SLC16A12: variants seen among roughly 807,000 people sequenced by gnomAD.
SLC16A12 encodes the protein monocarboxylate transporter 12.
In SLC16A12, 17 loss-of-function variants were observed where a neutral mutation model predicts 42.4. The ratio of observed to expected loss-of-function variants is 0.40; its 90% CI spans 0.27 to 0.60. The LOEUF (loss-of-function observed/expected upper bound fraction) is 0.60, where lower values mean the gene tolerates loss of function less well. SLC16A12 is among the 20% of genes least tolerant of loss of function. The pLI, the probability that SLC16A12 is intolerant of heterozygous loss-of-function variation, is 0.42. For missense variants in SLC16A12, 544 were observed against 623.0 expected (o/e 0.87, Z 1.35); for synonymous variants, 224 against 229.4 (o/e 0.98, Z 0.21).
chr10:89,493,563 ACT>A (rs1194701247), intron 2 of SLC16A12, among the ~76,000 whole-genome samples: 1 of 152,158 alleles, frequency 6.6e-6, no homozygotes, highest in Non-Finnish European at 1.5e-5. Flanking sequence ...TTTTAAAGTC[ACT>A]GTTATTCTTG....
chr10:89,543,405 C>T (rs923878708), intron 2 of SLC16A12, among the ~76,000 whole-genome samples: 1 of 152,242 alleles, frequency 6.6e-6, no homozygotes, highest in African/African-American at 2.4e-5. Flanking sequence ...TTAGCTCCCC[C>T]TCTTGCTAGC....
At chr10:89,445,146 G>T (rs549475003) in intron 3 of SLC16A12, among the ~76,000 whole-genome samples, 1 of 152,324 alleles carries the variant, frequency 6.6e-6, no homozygotes, top group African/African-American at 2.4e-5. Flanking sequence ...TTCACCTCTG[G>T]GGGAGGGCAT....
upstream of SLC16A12, among the ~76,000 whole-genome samples, chr10:89,539,162 A>G (rs1180319336): frequency 6.6e-6 from 1 of 152,200 alleles, no homozygotes; most frequent in Non-Finnish European, 1.5e-5. Context: ...ATGGTCCTGA[A>G]TAGTCTTCTT....
chr10:89,529,024 A>T lies in SLC16A12; in HGVS notation c.-47+5477T>A, dbSNP rs552783315. On this transcript the variant is annotated intron_variant, in intron 2 of 7. Transcript: ENST00000371790. Reference sequence around the variant, plus strand: ...CCCTATTCATAACTATTTAATAATGATGATTAAGGCTGGTTTTTGATAGTT... The same window carrying T: ...CCCTATTCATAACTATTTAATAATGTTGATTAAGGCTGGTTTTTGATAGTT... Among the ~76,000 whole-genome samples the T allele has an allele frequency of 3.0e-4, 45 of 152,320 alleles. No homozygotes were observed. In the South Asian group the frequency reaches 9.3e-3, roughly 32 times the overall value.
At chr10:89,555,899 CTG>C in exon 2 of SLC16A12, 1 of 151,366 alleles carries the variant, frequency 6.6e-6, no homozygotes, top group East Asian at 2.0e-4. Flanking sequence ...TGCTGATGAT[CTG>C]TGATGCGGTC....
At chr10:89,533,940 T>A (rs1005847533) in intron 2 of SLC16A12, among the ~76,000 whole-genome samples, 1 of 152,204 alleles carries the variant, frequency 6.6e-6, no homozygotes. Context: ...CTTGGAAAAC[T>A]GAGTTAGGTG....
chr10:89,511,512 T>G (rs1843161611), intron 2 of SLC16A12, among the ~76,000 whole-genome samples: 1 of 152,068 alleles, frequency 6.6e-6, no homozygotes, highest in African/African-American at 2.4e-5. Context: ...TTCTCACTCA[T>G]AAGTGGGAGT....
chr10:89,433,436 A>G, intron 7 of SLC16A12, 110 bp from the exon 8 acceptor site: 1 of 1,144,238 alleles, frequency 8.7e-7, no homozygotes, highest in Non-Finnish European at 1.3e-6. Flanking sequence ...AGCACCACCA[A>G]TTGTAACTTT....
chr10:89,530,373 A>G (rs1405814099), intron 2 of SLC16A12, among the ~76,000 whole-genome samples: 2 of 151,332 alleles, frequency 1.3e-5, no homozygotes, highest in South Asian at 2.1e-4. Flanking sequence ...ATTCACATAA[A>G]CTTCACTATT....
intron 3 of SLC16A12, among the ~76,000 whole-genome samples, chr10:89,446,781 C>T (rs1338736388): frequency 6.6e-6 from 1 of 152,080 alleles, no homozygotes; most frequent in African/African-American, 2.4e-5. Flanking sequence ...TGTAAATGGG[C>T]TAAATACCCC....
At chr10:89,498,637 G>A (rs1206556348) in intron 2 of SLC16A12, among the ~76,000 whole-genome samples, 8 of 152,166 alleles carry the variant, frequency 5.3e-5, no homozygotes, top group South Asian at 2.1e-4. Flanking sequence ...GAGGAGACTC[G>A]CATTATGAAT....
chr10:89,477,408 T>A (rs1271150381), intron 2 of SLC16A12, among the ~76,000 whole-genome samples: 2 of 151,712 alleles, frequency 1.3e-5, no homozygotes, highest in African/African-American at 4.8e-5. Flanking sequence ...CTACTAAAAA[T>A]ACAAAATTAG....
intron 2 of SLC16A12, among the ~76,000 whole-genome samples, chr10:89,523,243 C>G (rs1362970607): frequency 2.6e-5 from 4 of 152,200 alleles, no homozygotes; most frequent in Non-Finnish European, 5.9e-5. Context: ...TCCCCTTCAG[C>G]CTTACCACCC....
At position 89,433,662 on chromosome 10, in the gene SLC16A12, A is replaced by C. The variant is rs59022567; in HGVS notation, c.1289-336T>G. 9.3e-3 allele frequency among the ~76,000 whole-genome samples: 1,419 copies of C among 152,320 alleles called. 20 individuals are homozygous for C. Among genetic ancestry groups the C allele is most frequent in the African/African-American group, 0.033 (1,357 of 41,574 alleles). On this transcript the variant is annotated intron_variant, in intron 7 of 7. Coordinates refer to ENST00000371790, the MANE Select transcript of SLC16A12 (RefSeq NM_213606.4). ...CATCATTTAAATTATTAAGGTTGGAATAATTTACCTAGGGTGTTAAGAGAA... is the reference window on the plus strand; with the variant it reads ...CATCATTTAAATTATTAAGGTTGGACTAATTTACCTAGGGTGTTAAGAGAA...
intron 2 of SLC16A12, among the ~76,000 whole-genome samples, chr10:89,472,487 C>CTTTTTTTTTTTTTTTT (rs71022567): frequency 2.6e-4 from 23 of 89,894 alleles, no homozygotes; most frequent in East Asian, 7.0e-4. Flanking sequence ...TCTTTTCTTT[C>CTTTTTTTTTTTTTTTT]TTTTTTTTTT....
At chr10:89,440,769 T>C (rs1589661297) in intron 5 of SLC16A12, among the ~76,000 whole-genome samples, 1 of 152,230 alleles carries the variant, frequency 6.6e-6, no homozygotes. Context: ...TATTTTAATG[T>C]CTTGGCAATG....
At chr10:89,450,585 C>G (rs569568761) in intron 3 of SLC16A12, among the ~76,000 whole-genome samples, 2 of 152,092 alleles carry the variant, frequency 1.3e-5, no homozygotes, top group African/African-American at 4.8e-5. Context: ...GGGCAGGGAA[C>G]GGCACACACT....
Position 89,436,117 on chromosome 10 carries a change from G to A in SLC16A12, c.1231C>T (p.Leu411Phe). 1 of 1,614,014 alleles carries A rather than the reference G, an allele frequency of 6.2e-7. No individual in the cohort carries two copies. The highest frequency in any genetic ancestry group is 8.5e-7 in the Non-Finnish European group (1 of 1,179,986). ...IVGTTSLSSALGVVYFLHAVP... is the reference protein window; with the variant it reads ...IVGTTSLSSAFGVVYFLHAVP... ...GCGTGAAGGAAGTATACCACACCAA[G>A]CGCTGATGACAAAGAGGTGGTCCCC... The change falls in exon 7 of 8, where the codon CTT becomes TTT. Residue 411 changes from leucine to phenylalanine, a missense_variant. Physicochemically the swap from Leu to Phe is conservative, Grantham distance 22 (BLOSUM62 0). Coordinates refer to ENST00000371790, the MANE Select transcript of SLC16A12 (RefSeq NM_213606.4).
At position 89,512,665 on chromosome 10, in the gene SLC16A12, G is replaced by A. The variant is rs74444680; in HGVS notation, c.-47+21836C>T. The stretch of plus-strand genomic sequence containing the variant: ...TAAGAGAGAAGCTTGGGAATCTCCC[G>A]GACCTTGCCCTACGTACCTCTTCAT... On this transcript the variant is annotated intron_variant, in intron 2 of 7. Transcript: ENST00000371790. 1.0e-2 allele frequency among the ~76,000 whole-genome samples: 1,521 copies of A among 152,242 alleles called. 26 individuals carry two copies. Among genetic ancestry groups the A allele is most frequent in the African/African-American group, 0.035 (1,460 of 41,530 alleles).
Sources: gnomAD v4.1 joint callset for allele counts (sites outside exome capture counted in the v4.1 genomes callset) on GRCh38, gnomAD v4.1.1 for gene constraint, MANE v1.5 for transcripts, NCBI Gene and HGNC (gene_info 2026-07-23, HGNC 2026-07-21) for gene names.